ZCCHC2: variants seen among roughly 807,000 people sequenced by gnomAD.
ZCCHC2 encodes the protein zinc finger CCHC-type containing 2, also known as zinc finger CCHC domain-containing protein 2.
In ZCCHC2, 39 loss-of-function variants were observed where a neutral mutation model predicts 103.6. The observed-to-expected ratio is 0.38, with a 90% CI of 0.29 to 0.49. The LOEUF (loss-of-function observed/expected upper bound fraction) is 0.49, where lower values mean the gene tolerates loss of function less well. Ranked by LOEUF, ZCCHC2 falls within the 20% of genes least tolerant of loss-of-function variation. The pLI, the probability that ZCCHC2 is intolerant of heterozygous loss-of-function variation, is 0.96. For missense variants in ZCCHC2, 1,483 were observed against 1,491.0 expected (o/e 0.99, Z 0.09); for synonymous variants, 687 against 608.9 (o/e 1.13, Z -1.89).
rs541209798 is a variant in ZCCHC2 at position 62,574,416 on chromosome 18, A to C, written c.2335A>C (p.Thr779Pro). 353 of 1,613,892 alleles carry C rather than the reference A, an allele frequency of 2.2e-4. No homozygotes were observed. Among genetic ancestry groups the C allele is most frequent in the Non-Finnish European group, 2.9e-4 (345 of 1,179,910 alleles). ...TGGAATACTAGGGCCAACAGCTTGC[A>C]CTGGAGAATCGGAAAAGCACCTTGA... ...PVGILGPTACTGESEKHLELL... is the reference protein window; with the variant it reads ...PVGILGPTACPGESEKHLELL... The change falls in exon 13 of 14, where the codon ACT becomes CCT. Residue 779 changes from threonine (T) to proline (P), a missense_variant. By Grantham distance (38) the Thr-to-Pro change is conservative (BLOSUM62 -1). Transcript: ENST00000269499.
downstream of ZCCHC2, among the ~76,000 whole-genome samples, chr18:62,582,932 C>G (rs951345013): frequency 1.3e-5 from 2 of 151,948 alleles, no homozygotes; most frequent in African/African-American, 4.8e-5. Context: ...GACGAAACCC[C>G]ATCTCTACAA....
Position 62,524,032 on chromosome 18 carries a change from A to G in ZCCHC2, c.608A>G (p.Lys203Arg), listed in dbSNP as rs1914208709. 6 of 1,468,884 alleles carry G rather than the reference A, an allele frequency of 4.1e-6. No homozygotes were observed. In the South Asian group the frequency reaches 6.9e-5, roughly 17 times the overall value. 91.0% of individuals were successfully genotyped at this position (1,468,884 alleles called of 1,614,324 possible). A position where few individuals can be genotyped will look rare whatever the true frequency, so the allele number is the denominator to read the frequency against. The change falls in exon 1 of 14, where the codon AAA becomes AGA. Residue 203 changes from lysine (K) to arginine (R), a missense_variant. Physicochemically the swap from Lys to Arg is conservative, Grantham distance 26. Transcript: ENST00000269499. ...RLLPQVDSVLKSLRAARGEGS... is the reference protein window; with the variant it reads ...RLLPQVDSVLRSLRAARGEGS... ...CTACCCCAGGTGGACTCGGTGCTCA[A>G]AAGCCTGCGCGCGGCCCGGGGCGAG...
In ZCCHC2 at chr18:62,523,631, G is replaced by C. The variant is rs1202944331; in HGVS notation, c.207G>C (p.Pro69=). 8.1e-7 allele frequency: 1 copy of C among 1,241,806 alleles called. No homozygotes were observed. The highest frequency in any genetic ancestry group is 1.6e-5 in the African/African-American group (1 of 63,400). The allele number at this position is 1,241,806 out of a possible 1,614,324, so 76.9% of individuals were successfully genotyped here. Residue 69 remains proline (P), a synonymous_variant, in exon 1 of 14, where the codon CCG becomes CCC. Coordinates refer to ENST00000269499, the MANE Select transcript of ZCCHC2 (RefSeq NM_017742.6). ...PPPPPPRGLG[P]PVAGGAAAGA... ...CGCCGCCGCCCCGGGGACTCGGGCC[G>C]CCTGTTGCTGGTGGAGCGGCGGCGG...
downstream of ZCCHC2, among the ~76,000 whole-genome samples, chr18:62,582,390 T>G (rs1285268889): frequency 6.6e-6 from 1 of 152,230 alleles, no homozygotes; most frequent in African/African-American, 2.4e-5. Context: ...TAAATTATGG[T>G]TCAGTGGCCG....
At chr18:62,584,837 G>C (rs1917131018) in exon 15 of ZCCHC2, 1 of 152,314 alleles carries the variant, frequency 6.6e-6, no homozygotes, top group Non-Finnish European at 1.5e-5. Flanking sequence ...GAGACGAAGT[G>C]CTGCAGACAG....
chr18:62,573,068 C>A (rs1041480996), intron 12 of ZCCHC2, among the ~76,000 whole-genome samples: 1 of 152,098 alleles, frequency 6.6e-6, no homozygotes, highest in African/African-American at 2.4e-5. Flanking sequence ...AAGACGAATT[C>A]GTTTTTAGTG....
intron 10 of ZCCHC2, 144 bp from the exon 11 acceptor site, chr18:62,564,858 C>T (rs973290497): frequency 2.1e-5 from 15 of 703,926 alleles, no homozygotes; most frequent in South Asian, 1.5e-4. Context: ...GAACTTTCCA[C>T]GGAAGGGCGA....
chr18:62,579,111 G>A (rs568056169), downstream of ZCCHC2, among the ~76,000 whole-genome samples: 684 of 152,288 alleles, frequency 4.5e-3, 4 homozygotes, highest in African/African-American at 0.016. Context: ...GACCACTAGA[G>A]AAAGGGGGAC....
chr18:62,553,465 A>AT (rs540557286), intron 5 of ZCCHC2, among the ~76,000 whole-genome samples: 38 of 148,950 alleles, frequency 2.6e-4, no homozygotes, highest in South Asian at 8.5e-4. Context: ...ATTTTTATTA[A>AT]TTTTTTTTTT....
intron 2 of ZCCHC2, among the ~76,000 whole-genome samples, chr18:62,540,631 T>G (rs949657829): frequency 2.0e-5 from 3 of 152,180 alleles, no homozygotes; most frequent in Admixed American, 6.5e-5. Context: ...TCATTGAACA[T>G]ACGAATAACC....
At chr18:62,531,259 A>G (rs11152348) in intron 1 of ZCCHC2, among the ~76,000 whole-genome samples, 110,231 of 151,988 alleles carry the variant, frequency 0.73, 40,232 homozygotes, top group East Asian at 0.79. Context: ...CAATCTAAAA[A>G]GGAAGTGCCT....
intron 1 of ZCCHC2, chr18:62,539,443 A>T (rs1473980): frequency 2.6e-6 from 1 of 390,696 alleles, no homozygotes; most frequent in Non-Finnish European, 4.7e-6. Flanking sequence ...GCAACTCTGT[A>T]TATTATTAAG....
chr18:62,561,731 T>C (rs1392583007), intron 8 of ZCCHC2, among the ~76,000 whole-genome samples: 1 of 152,240 alleles, frequency 6.6e-6, no homozygotes, highest in Non-Finnish European at 1.5e-5. Context: ...GCATCCAGAG[T>C]TTCAATCGGT....
chr18:62,563,724 C>T (rs1178335335), intron 9 of ZCCHC2, among the ~76,000 whole-genome samples: 2 of 152,158 alleles, frequency 1.3e-5, no homozygotes, highest in Admixed American at 6.5e-5. Context: ...CAAAGGTGTA[C>T]ATCAGATTGT....
intron 1 of ZCCHC2, among the ~76,000 whole-genome samples, chr18:62,530,516 G>T (rs1217476342): frequency 1.4e-5 from 2 of 146,596 alleles, no homozygotes; most frequent in Non-Finnish European, 3.0e-5. Flanking sequence ...AATATGGTTT[G>T]TTTTTTTTTT....
Position 62,523,123 on chromosome 18 carries a change from A to C in ZCCHC2, c.-302A>C, listed in dbSNP as rs965395964. 1.3e-5 allele frequency: 2 copies of C among 151,754 alleles called. No individual in the cohort carries two copies. The highest frequency in any genetic ancestry group is 4.9e-5 in the African/African-American group (2 of 41,218). 9.4% of individuals were successfully genotyped at this position (151,754 alleles called of 1,614,324 possible). On this transcript the variant is annotated 5_prime_UTR_variant, in exon 1 of 14. Coordinates refer to ENST00000269499, the MANE Select transcript of ZCCHC2 (RefSeq NM_017742.6). ...GCGGACGGCGGAGAGAGGGAGGCGG[A>C]AGGAGGACACCCTCGCTCGCTTGCT...
chr18:62,576,391 G>A (rs1916842360), intron 13 of ZCCHC2, 121 bp from the exon 14 acceptor site: 3 of 722,032 alleles, frequency 4.2e-6, no homozygotes, highest in East Asian at 2.8e-5. Context: ...GCCATTTGGA[G>A]TGGCACTAGA....
intron 4 of ZCCHC2, among the ~76,000 whole-genome samples, chr18:62,549,201 A>G (rs2145505533): frequency 6.6e-6 from 1 of 152,202 alleles, no homozygotes; most frequent in Admixed American, 6.5e-5. Context: ...CCTGGGCAAC[A>G]GAGCGAGACT....
chr18:62,570,276 G>C (rs117822200), intron 12 of ZCCHC2, 45 bp downstream of exon 12: 22 of 1,593,086 alleles, frequency 1.4e-5, no homozygotes, highest in Admixed American at 1.8e-5. Flanking sequence ...GCAGGGGTGG[G>C]GAAGTGGAGG....
Sources: gnomAD v4.1 joint callset for allele counts (sites outside exome capture counted in the v4.1 genomes callset) on GRCh38, gnomAD v4.1.1 for gene constraint, MANE v1.5 for transcripts, NCBI Gene and HGNC (gene_info 2026-07-23, HGNC 2026-07-21) for gene names.